The following CCDC17 variants were observed in gnomAD, a reference collection of about 807,000 sequenced individuals.
CCDC17 encodes coiled-coil domain containing 17, also known as coiled-coil domain-containing protein 17.
In CCDC17, 79 loss-of-function variants were observed where a neutral mutation model predicts 68.0. The observed-to-expected ratio is 1.16, with a 90% CI of 0.97 to 1.40. The LOEUF (loss-of-function observed/expected upper bound fraction) is 1.40, where lower values mean the gene tolerates loss of function less well. Among genes scored for constraint, CCDC17 ranks in the 40% most tolerant of loss-of-function variants. CCDC17 has a pLI of 0.00. For synonymous variants in CCDC17, 376 were observed against 337.5 expected, an observed-to-expected ratio of 1.11 and a Z score of -1.25; for missense variants, 846 against 811.5, an observed-to-expected ratio of 1.04 and a Z score of -0.52.
chr1:45,622,072 T>TG, intron 7 of CCDC17, 77 bp from the exon 8 acceptor site: 3 of 1,453,968 alleles, frequency 2.1e-6, no homozygotes, highest in Non-Finnish European at 2.8e-6. Flanking sequence ...CCCCAAGAGT[T>TG]GGGCCCACAA....
chr1:45,623,297 A>C lies in CCDC17; in HGVS notation c.413T>G (p.Leu138Arg). 1 of 1,549,232 alleles carries C rather than the reference A, an allele frequency of 6.5e-7. No individual in the cohort carries two copies. The highest frequency in any genetic ancestry group is 1.2e-5 in the South Asian group (1 of 84,036). Residue 138 changes from leucine (L) to arginine (R), a missense_variant, in exon 3 of 13, where the codon CTG becomes CGG. Leu to Arg is a moderately radical substitution (Grantham distance 102). Coordinates refer to ENST00000528266, the MANE Select transcript of CCDC17 (RefSeq NM_001114938.3). ...CGCGCGAGTCCTGAACAGCGCCCGC[A>C]GCCGCTCGCTGGGGCTTCCCACCGC... is the stretch of plus-strand genomic sequence containing the variant. Reference protein sequence around the residue: ...SEAVGSPSERLRALFRTRARR... With the variant: ...SEAVGSPSERRRALFRTRARR...
chr1:45,624,028 A>G lies in CCDC17; in HGVS notation c.-119T>C, dbSNP rs1016660106. 1.1e-5 allele frequency: 8 copies of G among 720,520 alleles called. No homozygotes were observed. The highest frequency in any genetic ancestry group is 1.1e-4 in the African/African-American group (6 of 55,964). The allele number at this position is 720,520 out of a possible 1,614,324, so 44.6% of individuals were successfully genotyped here. On this transcript the variant is annotated 5_prime_UTR_variant, in exon 1 of 13. Transcript: ENST00000528266. ...GAGGCAGAGAGGAAAGGCCGTGTCT[A>G]TTAGGTCTGTGAGATCTTCAAGTTT...
Position 45,621,813 on chromosome 1 carries a change from C to A in CCDC17, c.1086+64G>T, listed in dbSNP as rs914714478. On this transcript the variant is annotated intron_variant, in intron 8 of 12. Transcript: ENST00000528266. ...CCCCAACTGCTCAGAGCAGAGCTGC[C>A]TCCAACCTGTTCCCCCAACCCACCC... 3.1e-6 allele frequency: 5 copies of A among 1,597,000 alleles called. No individual in the cohort carries two copies. In the African/African-American group the frequency reaches 5.4e-5, roughly 17 times the overall value.
At chr1:45,622,691 C>T in intron 5 of CCDC17, 24 bp from the exon 6 acceptor site, 1 of 1,555,424 alleles carries the variant, frequency 6.4e-7, no homozygotes, top group Non-Finnish European at 8.7e-7. Flanking sequence ...AACAGGAAGG[C>T]CGTCTTTCCA....
At chr1:45,622,198 G>GGA (rs760760957) in intron 7 of CCDC17, 43 bp downstream of exon 7, 4 of 1,557,432 alleles carry the variant, frequency 2.6e-6, no homozygotes, top group Non-Finnish European at 3.5e-6. Context: ...GGCCTGCTGG[G>GGA]GAGAGATAAG....
Position 45,623,020 on chromosome 1 carries a change from G to A in CCDC17, c.591C>T (p.Ala197=). The stretch of plus-strand genomic sequence containing the variant: ...CCTCTAGAGCTCCCCGCGTCCTCCC[G>A]GCCTCAGCTTGTAGTTCTCGAATCT... ...EQEIRELQAE[A]GRTRGALEVL... The change falls in exon 4 of 13, where the codon GCC becomes GCT. Residue 197 remains alanine (A), a synonymous_variant. Transcript: ENST00000528266. The A allele has an allele frequency of 1.2e-6, 2 of 1,612,716 alleles. No individual in the cohort carries two copies. The highest frequency in any genetic ancestry group is 1.7e-6 in the Non-Finnish European group (2 of 1,179,358).
In CCDC17 at chr1:45,620,415, G is replaced by T. The variant is rs1367106863; in HGVS notation, c.1729C>A (p.Leu577Met). The change falls in exon 13 of 13, where the codon CTG becomes ATG. Residue 577 changes from leucine to methionine, a missense_variant. Transcript: ENST00000528266. ...GCGGGGGTGAGGAAGCTGGCTTCCAGTGAAGATGTGCTGGACACCTGTGGA... is the reference window on the plus strand; with the variant it reads ...GCGGGGGTGAGGAAGCTGGCTTCCATTGAAGATGTGCTGGACACCTGTGGA... Reference protein sequence around the residue: ...YPPPVSSTSSLEASFLTPAVG... With the variant: ...YPPPVSSTSSMEASFLTPAVG... 1 of 1,585,336 alleles carries T rather than the reference G, an allele frequency of 6.3e-7. No individual in the cohort carries two copies. The highest frequency in any genetic ancestry group is 2.3e-5 in the East Asian group (1 of 44,342).
At position 45,620,356 on chromosome 1, in the gene CCDC17, T is replaced by A; in HGVS notation, c.1788A>T (p.Glu596Asp). 1 of 1,607,904 alleles carries A rather than the reference T, an allele frequency of 6.2e-7. No individual in the cohort carries two copies. The highest frequency in any genetic ancestry group is 8.5e-7 in the Non-Finnish European group (1 of 1,177,848). ...VGFADPPPRTEEPLSGVKDRD... is the reference protein window; with the variant it reads ...VGFADPPPRTDEPLSGVKDRD... ...TATCCTTGACTCCACTGAGGGGCTC[T>A]TCTGTACGAGGTGGGGGATCAGCAA... Residue 596 changes from glutamate (E) to aspartate (D), a missense_variant, in exon 13 of 13, where the codon GAA (glutamate) becomes GAT (aspartate). Coordinates refer to ENST00000528266, the MANE Select transcript of CCDC17 (RefSeq NM_001114938.3).
Position 45,622,768 on chromosome 1 carries a change from A to C in CCDC17, c.723T>G (p.Thr241=). The C allele has an allele frequency of 6.3e-7, 1 of 1,596,830 alleles. No individual in the cohort carries two copies. Among genetic ancestry groups the C allele is most frequent in the South Asian group, 1.1e-5 (1 of 88,054 alleles). ...YSPVQKANPG[T]LAAEIRALRE... ...GCTCTCACCGGATTTCGGCAGCCAGAGTTCCCGGGTTGGCCTTTTGCACTG... is the reference window on the plus strand; with the variant it reads ...GCTCTCACCGGATTTCGGCAGCCAGCGTTCCCGGGTTGGCCTTTTGCACTG... Residue 241 remains threonine (T), a synonymous_variant, in exon 5 of 13, where the codon ACT becomes ACG. Coordinates refer to ENST00000528266, the MANE Select transcript of CCDC17 (RefSeq NM_001114938.3).
chr1:45,622,743 G>T lies in CCDC17; in HGVS notation c.740+8C>A, dbSNP rs1381937941. The stretch of plus-strand genomic sequence containing the variant: ...CGCCCTATGCCCATCTCCGGCCCCG[G>T]CTCTCACCGGATTTCGGCAGCCAGA... On this transcript the variant is annotated splice_region_variant and intron_variant, in intron 5 of 12. Coordinates refer to ENST00000528266, the MANE Select transcript of CCDC17 (RefSeq NM_001114938.3). 6.3e-7 allele frequency: 1 copy of T among 1,583,922 alleles called. No homozygotes were observed. Among genetic ancestry groups the T allele is most frequent in the Admixed American group, 1.8e-5 (1 of 55,724 alleles).
chr1:45,620,865 A>C, intron 11 of CCDC17, 32 bp from the exon 12 acceptor site: 1 of 1,610,976 alleles, frequency 6.2e-7, no homozygotes, highest in Non-Finnish European at 8.5e-7. Flanking sequence ...TTGCACTTGT[A>C]CTTTGCTGTA....
At chr1:45,622,157 C>A in intron 7 of CCDC17, 84 bp downstream of exon 7, 1 of 1,372,668 alleles carries the variant, frequency 7.3e-7, no homozygotes, top group South Asian at 1.2e-5. Flanking sequence ...AAACACGGGT[C>A]TTGTTCCCCA....
intron 2 of CCDC17, 27 bp downstream of exon 2, chr1:45,623,530 G>T (rs1644355018): frequency 6.5e-7 from 1 of 1,548,246 alleles, no homozygotes. Flanking sequence ...AACGTTTTGA[G>T]CCCTGGGGGA....
At position 45,622,972 on chromosome 1, in the gene CCDC17, C is replaced by A; in HGVS notation, c.639G>T (p.Glu213Asp). The change falls in exon 4 of 13, where the codon GAG becomes GAT. Residue 213 changes from glutamate (E) to aspartate (D), a missense_variant. Glu to Asp is a conservative substitution (Grantham distance 45, BLOSUM62 2). Transcript: ENST00000528266. ...ALEVLGARIQ[E>D]LQAEPGNPLS... is the part of the protein sequence containing the mutation. Reference sequence around the variant, plus strand: ...GGTCTCACCCTGGCTCCGCCTGCAGCTCCTGAATGCGGGCCCCCAACACCT... The same window carrying A: ...GGTCTCACCCTGGCTCCGCCTGCAGATCCTGAATGCGGGCCCCCAACACCT... 1 of 1,601,596 alleles carries A rather than the reference C, an allele frequency of 6.2e-7. No homozygotes were observed.
At position 45,622,751 on chromosome 1, in the gene CCDC17, C is replaced by A. The variant is rs1284508673; in HGVS notation, c.740G>T (p.Arg247Leu). 1 of 1,589,478 alleles carries A rather than the reference C, an allele frequency of 6.3e-7. No homozygotes were observed. Among genetic ancestry groups the A allele is most frequent in the South Asian group, 1.1e-5 (1 of 87,278 alleles). The change falls in exon 5 of 13, where the codon CGG (arginine) becomes CTG (leucine). Residue 247 changes from arginine (R) to leucine (L), a missense_variant and splice_region_variant. Coordinates refer to ENST00000528266, the MANE Select transcript of CCDC17 (RefSeq NM_001114938.3). ...ANPGTLAAEI[R>L]ALREAYIRDG... ...GCCCATCTCCGGCCCCGGCTCTCAC[C>A]GGATTTCGGCAGCCAGAGTTCCCGG...
chr1:45,623,056 G>A lies in CCDC17; in HGVS notation c.555C>T (p.Gly185=), dbSNP rs1644330891. ...CTRGGMSRLF[G]LEQEIRELQA... ...GTAGTTCTCGAATCTCCTGCTCCAG[G>A]CCGAAGAGGCGGGACATCCCGCCCC... Residue 185 remains glycine, a synonymous_variant, in exon 4 of 13, where the codon GGC becomes GGT. Coordinates refer to ENST00000528266, the MANE Select transcript of CCDC17 (RefSeq NM_001114938.3). The A allele has an allele frequency of 2.5e-6, 4 of 1,610,240 alleles. No individual in the cohort carries two copies. The highest frequency in any genetic ancestry group is 3.4e-6 in the Non-Finnish European group (4 of 1,178,384).
intron 4 of CCDC17, 36 bp from the exon 5 acceptor site, chr1:45,622,870 G>A (rs1251480280): frequency 6.3e-7 from 1 of 1,577,038 alleles, no homozygotes; most frequent in Non-Finnish European, 8.6e-7. Context: ...AGACGGTAAC[G>A]CATCAGAGGC....
chr1:45,621,688 G>A lies in CCDC17; in HGVS notation c.1134C>T (p.His378=). The A allele has an allele frequency of 6.2e-7, 1 of 1,613,924 alleles. No individual in the cohort carries two copies. The highest frequency in any genetic ancestry group is 1.1e-5 in the South Asian group (1 of 91,070). The part of the protein sequence containing the change: ...TMTRNLGLDS[H]FLLPTSDMLG... ...GCATGTCCGATGTGGGCAGGAGGAAGTGTGAGTCCAGGCCCAGGTTTCTGG... is the reference window on the plus strand; with the variant it reads ...GCATGTCCGATGTGGGCAGGAGGAAATGTGAGTCCAGGCCCAGGTTTCTGG... Residue 378 remains histidine (H), a synonymous_variant, in exon 9 of 13, where the codon CAC becomes CAT. Coordinates refer to ENST00000528266, the MANE Select transcript of CCDC17 (RefSeq NM_001114938.3).
chr1:45,623,351 T>C lies in CCDC17; in HGVS notation c.359A>G (p.Glu120Gly). 1 of 1,550,646 alleles carries C rather than the reference T, an allele frequency of 6.4e-7. No individual in the cohort carries two copies. The highest frequency in any genetic ancestry group is 1.2e-5 in the South Asian group (1 of 84,060). Residue 120 changes from glutamate (E) to glycine (G), a missense_variant, in exon 3 of 13, where the codon GAG becomes GGG. Physicochemically the swap from Glu to Gly is moderately conservative, Grantham distance 98. Transcript: ENST00000528266. ...RVFAGPWTRS[E>G]ARPQSPMSEA... Reference sequence around the variant, plus strand: ...GGACATGGGACTCTGAGGCCGCGCCTCGGAACGTGTCCAGGGCCCCGCGAA... The same window carrying C: ...GGACATGGGACTCTGAGGCCGCGCCCCGGAACGTGTCCAGGGCCCCGCGAA...
Sources: allele counts gnomAD v4.1 joint callset, GRCh38; gene constraint gnomAD v4.1.1; transcripts MANE v1.5; gene names NCBI Gene and HGNC (gene_info 2026-07-23, HGNC 2026-07-21).